The following DOK6 variants were observed in gnomAD, a reference collection of about 807,000 sequenced individuals.
DOK6 encodes downstream of tyrosine kinase 6.
Under a neutral mutation model 44.0 loss-of-function variants are expected in DOK6, and 22 were observed. That is an observed-to-expected ratio of 0.50 (90% CI 0.36 to 0.71). The LOEUF is 0.71. Ranked by LOEUF, DOK6 falls within the 30% of genes least tolerant of loss-of-function variation. DOK6 has a pLI of 0.00. For missense variants in DOK6, 340 were observed against 416.4 expected (o/e 0.82, Z 1.60); for synonymous variants, 166 against 145.5 (o/e 1.14, Z -1.01).
intron 7 of DOK6, among the ~76,000 whole-genome samples, chr18:69,829,055 G>A (rs910316270): frequency 9.3e-5 from 14 of 150,276 alleles, no homozygotes; most frequent in South Asian, 2.1e-4. Context: ...GCAGCAAAAA[G>A]GAGAGTGAAA....
chr18:69,555,586 T>C (rs2144591440), intron 1 of DOK6, among the ~76,000 whole-genome samples: 1 of 152,336 alleles, frequency 6.6e-6, no homozygotes, highest in Middle Eastern at 3.4e-3. Context: ...TCCTGATCTA[T>C]TTGTATTTGT....
chr18:69,508,172 T>A (rs959602171), intron 1 of DOK6, among the ~76,000 whole-genome samples: 1 of 152,192 alleles, frequency 6.6e-6, no homozygotes, highest in African/African-American at 2.4e-5. Context: ...TGCATAGCCT[T>A]CAATGTTGAA....
At chr18:69,585,212 C>T (rs1432777725) in intron 2 of DOK6, among the ~76,000 whole-genome samples, 1 of 151,798 alleles carries the variant, frequency 6.6e-6, no homozygotes, top group Admixed American at 6.6e-5. Flanking sequence ...TTTTGTTAAA[C>T]TCTACATGTT....
At chr18:69,546,003 C>G (rs142696963) in intron 1 of DOK6, among the ~76,000 whole-genome samples, 4 of 151,064 alleles carry the variant, frequency 2.6e-5, no homozygotes, top group Non-Finnish European at 4.4e-5. Context: ...ATGTAAACTA[C>G]GTGGTGGCTT....
intron 1 of DOK6, among the ~76,000 whole-genome samples, chr18:69,491,257 C>T (rs542191377): frequency 1.3e-5 from 2 of 152,232 alleles, no homozygotes; most frequent in Admixed American, 1.3e-4. Flanking sequence ...ATGGAGTTTG[C>T]TTAGATGATT....
intron 1 of DOK6, among the ~76,000 whole-genome samples, chr18:69,515,244 G>A (rs1023216860): frequency 2.6e-5 from 4 of 152,134 alleles, no homozygotes; most frequent in East Asian, 1.9e-4. Flanking sequence ...ATGAGGCATC[G>A]TGTAAATATT....
Position 69,683,131 on chromosome 18 carries a change from A to T in DOK6, c.409+5278A>T, listed in dbSNP as rs976284447. Among the ~76,000 whole-genome samples, 13 of 152,118 alleles carry T rather than the reference A, an allele frequency of 8.5e-5. No homozygotes were observed. The East Asian group carries it at 1.5e-3, about 18-fold the overall frequency. Reference sequence around the variant, plus strand: ...GTTTTCCAGGGCAATAATTTTATCTATGGGATGACCCTGAACAAAACCAAC... The same window carrying T: ...GTTTTCCAGGGCAATAATTTTATCTTTGGGATGACCCTGAACAAAACCAAC... On this transcript the variant is annotated intron_variant, in intron 4 of 7. Coordinates refer to ENST00000382713, the MANE Select transcript of DOK6 (RefSeq NM_152721.6).
intron 1 of DOK6, among the ~76,000 whole-genome samples, chr18:69,516,888 G>A (rs929301599): frequency 1.4e-5 from 2 of 144,280 alleles, no homozygotes; most frequent in African/African-American, 5.2e-5. Flanking sequence ...CACCATATTT[G>A]CCAGGCTAGT....
At chr18:69,573,291 C>T (rs1287539965) in intron 2 of DOK6, among the ~76,000 whole-genome samples, 1 of 151,590 alleles carries the variant, frequency 6.6e-6, no homozygotes, top group African/African-American at 2.4e-5. Context: ...GCATGAAGAG[C>T]CCAATGAGAA....
intron 4 of DOK6, among the ~76,000 whole-genome samples, chr18:69,695,183 T>C (rs1219778130): frequency 6.6e-6 from 1 of 152,234 alleles, no homozygotes; most frequent in African/African-American, 2.4e-5. Context: ...CAAAGTGTGG[T>C]CCGCAGAGAA....
intron 1 of DOK6, among the ~76,000 whole-genome samples, chr18:69,544,314 ATGT>A (rs1568291594): frequency 6.6e-6 from 1 of 151,564 alleles, no homozygotes. Context: ...GTAGATATCA[ATGT>A]TATATTATCC....
intron 1 of DOK6, among the ~76,000 whole-genome samples, chr18:69,477,135 A>T (rs1224627364): frequency 2.6e-5 from 4 of 152,214 alleles, no homozygotes; most frequent in African/African-American, 7.2e-5. Flanking sequence ...TGTGTGCTTT[A>T]TATGACAATC....
intron 3 of DOK6, among the ~76,000 whole-genome samples, chr18:69,650,488 T>A (rs1985196150): frequency 6.6e-6 from 1 of 152,192 alleles, no homozygotes; most frequent in South Asian, 2.1e-4. Context: ...AATGCCTAGA[T>A]ATTGCTTGGC....
At chr18:69,455,761 T>TC (rs1448411567) in intron 1 of DOK6, among the ~76,000 whole-genome samples, 4 of 152,166 alleles carry the variant, frequency 2.6e-5, no homozygotes, top group Non-Finnish European at 4.4e-5. Context: ...GCAGTCCTTC[T>TC]CCTTCAGTAA....
chr18:69,677,038 T>TTAAAA (rs1985937612), intron 3 of DOK6, among the ~76,000 whole-genome samples: 1 of 152,176 alleles, frequency 6.6e-6, no homozygotes, highest in African/African-American at 2.4e-5. Flanking sequence ...GAGATACTTT[T>TTAAAA]AAATTCTACC....
At chr18:69,767,700 G>C (rs1979761124) in intron 7 of DOK6, among the ~76,000 whole-genome samples, 1 of 152,112 alleles carries the variant, frequency 6.6e-6, no homozygotes, top group South Asian at 2.1e-4. Context: ...TCCTAATGTG[G>C]ACTAGCTTTC....
chr18:69,830,086 TC>T (rs1266132059), intron 7 of DOK6, among the ~76,000 whole-genome samples: 1 of 152,048 alleles, frequency 6.6e-6, no homozygotes, highest in Admixed American at 6.6e-5. Context: ...GCAAATACCT[TC>T]CAGAAAAAAG....
chr18:69,629,910 C>A (rs1475007063), intron 3 of DOK6, among the ~76,000 whole-genome samples: 1 of 152,128 alleles, frequency 6.6e-6, no homozygotes, highest in South Asian at 2.1e-4. Context: ...CCTGCCTCAG[C>A]CTCCCATGTA....
intron 7 of DOK6, among the ~76,000 whole-genome samples, chr18:69,780,214 T>C (rs1238080789): frequency 6.6e-6 from 1 of 152,186 alleles, no homozygotes; most frequent in Non-Finnish European, 1.5e-5. Context: ...TTTTGTGCTG[T>C]TGAAAAGGCT....
Sources: gnomAD v4.1 joint callset for allele counts (sites outside exome capture counted in the v4.1 genomes callset) on GRCh38, gnomAD v4.1.1 for gene constraint, MANE v1.5 for transcripts, NCBI Gene and HGNC (gene_info 2026-07-23, HGNC 2026-07-21) for gene names.